Variants in TTC3 observed in about 807,000 individuals in gnomAD.
The protein encoded by TTC3 is E3 ubiquitin-protein ligase TTC3.
TTC3 carries 180 observed loss-of-function variants against 249.6 expected under a neutral mutation model. The observed-to-expected ratio is 0.72, with a 90% CI of 0.64 to 0.82. The LOEUF (loss-of-function observed/expected upper bound fraction) is 0.82, where lower values mean the gene tolerates loss of function less well. Among genes scored for constraint, TTC3 ranks in the 40% least tolerant of loss-of-function variants. TTC3 has a pLI of 0.00. For synonymous variants in TTC3, 717 were observed against 805.0 expected, an observed-to-expected ratio of 0.89 and a Z score of 1.85; for missense variants, 2,061 against 2,398.4, an observed-to-expected ratio of 0.86 and a Z score of 2.94.
intron 34 of TTC3, among the ~76,000 whole-genome samples, 162 bp from the exon 35 acceptor site, chr21:37,172,433 G>A (rs2081886551): frequency 6.6e-6 from 1 of 152,168 alleles, no homozygotes; most frequent in African/African-American, 2.4e-5. Context: ...TTGCTAAGCA[G>A]TGTTTAGGGG....
At chr21:37,087,160 T>G in intron 1 of TTC3, 87 bp from the exon 2 acceptor site, 2 of 1,456,828 alleles carry the variant, frequency 1.4e-6, no homozygotes, top group Non-Finnish European at 1.9e-6. Context: ...CCAAGTATTT[T>G]TCTAATATAC....
At chr21:37,148,647 G>A (rs200999921) in exon 23 of TTC3, 43 of 1,566,558 alleles carry the variant, frequency 2.7e-5, no homozygotes, top group Non-Finnish European at 3.7e-5. Context: ...AAATTGACAA[G>A]GTAAAGCATA....
intron 11 of TTC3, among the ~76,000 whole-genome samples, chr21:37,120,202 CAT>C (rs1332067086): frequency 6.6e-6 from 1 of 152,134 alleles, no homozygotes; most frequent in East Asian, 1.9e-4. Context: ...GGAATTTCCA[CAT>C]GTGTGATAGA....
intron 28 of TTC3, among the ~76,000 whole-genome samples, chr21:37,158,783 C>T (rs2080374697): frequency 6.6e-6 from 1 of 152,158 alleles, no homozygotes; most frequent in Non-Finnish European, 1.5e-5. Context: ...TCAATTCTTT[C>T]TTTTCAGTAT....
exon 2 of TTC3, chr21:37,087,323 C>G (rs150569930): frequency 1.9e-6 from 3 of 1,614,018 alleles, no homozygotes; most frequent in Non-Finnish European, 2.5e-6. Flanking sequence ...ATTGCCCTCA[C>G]GTGGATGATT....
exon 46 of TTC3, chr21:37,201,644 T>TA: frequency 1.9e-6 from 3 of 1,561,394 alleles, no homozygotes; most frequent in Non-Finnish European, 2.6e-6. Flanking sequence ...ACCACTGGTG[T>TA]AAAAAACAAA....
At chr21:37,138,322 A>T (rs2078143095) in intron 18 of TTC3, among the ~76,000 whole-genome samples, 1 of 152,216 alleles carries the variant, frequency 6.6e-6, no homozygotes, top group Admixed American at 6.5e-5. Context: ...AAATGTCTTA[A>T]TCTGTCACTA....
chr21:37,171,955 G>C (rs549675193), intron 34 of TTC3, among the ~76,000 whole-genome samples: 2 of 152,352 alleles, frequency 1.3e-5, no homozygotes, highest in African/African-American at 4.8e-5. Flanking sequence ...CCTGCAGCTG[G>C]AGAAGCTGCC....
At chr21:37,144,377 A>G in intron 20 of TTC3, 148 bp from the exon 21 acceptor site, 3 of 933,768 alleles carry the variant, frequency 3.2e-6, no homozygotes, top group Non-Finnish European at 4.5e-6. Context: ...TTGTTTTTTT[A>G]AAGAAAATTT....
At chr21:37,079,062 C>T (rs1007322823) in intron 1 of TTC3, among the ~76,000 whole-genome samples, 24 of 152,142 alleles carry the variant, frequency 1.6e-4, no homozygotes, top group Admixed American at 7.2e-4. Context: ...TAATGAATTC[C>T]GTTTTATAGA....
At chr21:37,140,511 C>A in intron 19 of TTC3, 50 bp from the exon 20 acceptor site, 1 of 1,219,472 alleles carries the variant, frequency 8.2e-7, no homozygotes, top group South Asian at 1.9e-5. Context: ...AAATTTATTT[C>A]AGTATTTCTC....
At chr21:37,086,997 G>C (rs750670834) in intron 1 of TTC3, 36 of 454,172 alleles carry the variant, frequency 7.9e-5, no homozygotes, top group Middle Eastern at 6.0e-4. Flanking sequence ...ATGTAAACAG[G>C]TTAACTTAGA....
chr21:37,088,483 A>G (rs1256197797), intron 4 of TTC3, 137 bp downstream of exon 4: 5 of 1,104,484 alleles, frequency 4.5e-6, no homozygotes, highest in Non-Finnish European at 6.5e-6. Context: ...GGTGGAAAAA[A>G]CAAATACTTG....
intron 30 of TTC3, 45 bp downstream of exon 30, chr21:37,160,903 ATAGT>A (rs753032971): frequency 1.3e-5 from 21 of 1,571,990 alleles, no homozygotes; most frequent in South Asian, 6.8e-5. Flanking sequence ...ACTCTCCAAA[ATAGT>A]TAGTTGGACA....
intron 11 of TTC3, among the ~76,000 whole-genome samples, chr21:37,113,431 C>T (rs561674657): frequency 1.6e-4 from 25 of 152,244 alleles, no homozygotes; most frequent in Admixed American, 6.5e-4. Context: ...AACTCCCATT[C>T]GCTATTGCTT....
At chr21:37,149,910 G>A (rs1328015243) in intron 23 of TTC3, among the ~76,000 whole-genome samples, 168 bp from the exon 24 acceptor site, 1 of 152,088 alleles carries the variant, frequency 6.6e-6, no homozygotes, top group Non-Finnish European at 1.5e-5. Flanking sequence ...TTTCCTACAC[G>A]GAAGCCTTAA....
At chr21:37,090,446 G>A (rs2147683098) in intron 6 of TTC3, 160 bp downstream of exon 6, 2 of 598,196 alleles carry the variant, frequency 3.3e-6, no homozygotes, top group African/African-American at 4.2e-5. Context: ...CCTCATTTTG[G>A]GGGTTTGGAT....
intron 26 of TTC3, 141 bp downstream of exon 26, chr21:37,152,170 C>CG: frequency 7.7e-6 from 8 of 1,043,442 alleles, no homozygotes; most frequent in South Asian, 2.5e-5. Flanking sequence ...TCACTGTCTT[C>CG]TGTTACTCGA....
intron 12 of TTC3, 81 bp from the exon 13 acceptor site, chr21:37,122,902 A>T: frequency 7.4e-7 from 1 of 1,355,480 alleles, no homozygotes; most frequent in Non-Finnish European, 9.8e-7. Flanking sequence ...CTATCAGCTT[A>T]AAGTAAATTT....
Sources: gnomAD v4.1 joint callset for allele counts (sites outside exome capture counted in the v4.1 genomes callset) on GRCh38, gnomAD v4.1.1 for gene constraint, MANE v1.5 for transcripts, NCBI Gene and HGNC (gene_info 2026-07-23, HGNC 2026-07-21) for gene names.